The following SLC2A9 variants were observed in gnomAD, a reference collection of about 807,000 sequenced individuals.
SLC2A9 encodes solute carrier family 2, facilitated glucose transporter member 9.
A neutral mutation model predicts 50.6 loss-of-function variants in SLC2A9; 39 were observed. The observed-to-expected ratio is 0.77, with a 90% confidence interval of 0.60 to 1.01. The LOEUF (loss-of-function observed/expected upper bound fraction) is 1.01. Among genes scored for constraint, SLC2A9 ranks in the 50% least tolerant of loss-of-function variants. The pLI, the probability that SLC2A9 is intolerant of heterozygous loss-of-function variation, is 0.00. For missense variants in SLC2A9, 686 were observed against 677.6 expected (o/e 1.01, Z -0.14); for synonymous variants, 324 against 276.9 (o/e 1.17, Z -1.69).
intron 11 of SLC2A9, 48 bp downstream of exon 11, chr4:9,834,832 GC>G: frequency 6.2e-7 from 1 of 1,613,440 alleles, no homozygotes; most frequent in Non-Finnish European, 8.5e-7. Flanking sequence ...CTCAAGTGCT[GC>G]AGAATCAAAG....
intron 6 of SLC2A9, among the ~76,000 whole-genome samples, chr4:9,921,801 A>C (rs564063661): frequency 6.6e-6 from 1 of 152,348 alleles, no homozygotes; most frequent in South Asian, 2.1e-4. Context: ...CTGTTTCCTC[A>C]AAGTTCAAAA....
chr4:9,942,136 G>A, intron 5 of SLC2A9, 91 bp from the exon 6 acceptor site: 6 of 1,511,106 alleles, frequency 4.0e-6, no homozygotes, highest in Non-Finnish European at 4.6e-6. Flanking sequence ...CGACCCTGCA[G>A]AAGGTCTTCC....
intron 5 of SLC2A9, among the ~76,000 whole-genome samples, chr4:9,943,829 C>A (rs1269957374): frequency 1.3e-5 from 2 of 152,060 alleles, no homozygotes; most frequent in Admixed American, 6.5e-5. Context: ...GGGAACCAAC[C>A]CCATGAAGCT....
intron 7 of SLC2A9, among the ~76,000 whole-genome samples, chr4:9,910,615 G>C (rs1005023066): frequency 6.6e-6 from 1 of 152,116 alleles, no homozygotes; most frequent in African/African-American, 2.4e-5. Context: ...GATCCCCATG[G>C]CCTGACCAGC....
chr4:9,915,009 C>T (rs1268609289), intron 7 of SLC2A9, among the ~76,000 whole-genome samples: 1 of 152,218 alleles, frequency 6.6e-6, no homozygotes, highest in Non-Finnish European at 1.5e-5. Context: ...CTCACACTGA[C>T]CTAGCCATTA....
chr4:9,964,202 C>T (rs573148524), intron 5 of SLC2A9, among the ~76,000 whole-genome samples: 3 of 152,018 alleles, frequency 2.0e-5, no homozygotes, highest in African/African-American at 4.8e-5. Flanking sequence ...TTATACATGT[C>T]GTGTAGGTTT....
At chr4:9,995,865 T>C (rs1349031436) in intron 3 of SLC2A9, 1 of 152,212 alleles carries the variant, frequency 6.6e-6, no homozygotes, top group Admixed American at 6.5e-5. Context: ...AGACACATGA[T>C]TCAAGTTAAG....
rs553470626 is a variant in SLC2A9, at chr4:10,032,742, C to T, written c.-40-6736G>A. ...GTGTAGCTACTGTCATTACCCAGCC[C>T]GTGCAGCTCTCACACCCTGCTGGAC... On this transcript the variant is annotated intron_variant, in intron 1 of 12. Transcript: ENST00000309065. 1.7e-4 allele frequency among the ~76,000 whole-genome samples: 26 copies of T among 152,286 alleles called. 1 individual carries two copies. The South Asian group carries it at 2.3e-3, about 13-fold the overall frequency.
At chr4:9,907,527 C>G (rs868857000) in intron 8 of SLC2A9, among the ~76,000 whole-genome samples, 1 of 152,232 alleles carries the variant, frequency 6.6e-6, no homozygotes, top group African/African-American at 2.4e-5. Flanking sequence ...TACTGGTCAA[C>G]TGAATGTCCT....
At chr4:9,867,886 G>A (rs894320639) in intron 10 of SLC2A9, among the ~76,000 whole-genome samples, 2 of 152,210 alleles carry the variant, frequency 1.3e-5, no homozygotes, top group African/African-American at 2.4e-5. Flanking sequence ...TGAACTGGTG[G>A]GAGTGAATTC....
intron 5 of SLC2A9, among the ~76,000 whole-genome samples, chr4:9,966,785 T>C (rs1245400637): frequency 2.0e-5 from 3 of 152,086 alleles, no homozygotes; most frequent in African/African-American, 7.2e-5. Context: ...GCTTTAGTCT[T>C]TTTTCCTACC....
Position 10,012,749 on chromosome 4 carries a change from C to T in SLC2A9, c.249+6226G>A, listed in dbSNP as rs115810461. 5.0e-3 allele frequency among the ~76,000 whole-genome samples: 753 copies of T among 152,058 alleles called. 4 individuals are homozygous for T. The highest frequency in any genetic ancestry group is 0.017 in the African/African-American group (689 of 41,442). Reference sequence around the variant, plus strand: ...ACGCACAAAGGCTCTGAGGTTCCAGCGTGCGGTGTGTTTGAGGGGCAGCAA... The same window carrying T: ...ACGCACAAAGGCTCTGAGGTTCCAGTGTGCGGTGTGTTTGAGGGGCAGCAA... On this transcript the variant is annotated intron_variant, in intron 2 of 11. Coordinates refer to ENST00000264784, the MANE Select transcript of SLC2A9 (RefSeq NM_020041.3).
At chr4:9,774,526 T>A (rs1247959651) in intron 1 of SLC2A9, among the ~76,000 whole-genome samples, 1 of 152,192 alleles carries the variant, frequency 6.6e-6, no homozygotes, top group Non-Finnish European at 1.5e-5. Flanking sequence ...GGCTGTCCCT[T>A]GTTCTCATGC....
At chr4:9,891,997 G>T (rs1202993528) in intron 8 of SLC2A9, among the ~76,000 whole-genome samples, 1 of 152,212 alleles carries the variant, frequency 6.6e-6, no homozygotes, top group Non-Finnish European at 1.5e-5. Flanking sequence ...AAAGCCTCAG[G>T]GTTTCTCCAC....
At chr4:9,983,666 T>C (rs891426149) in intron 4 of SLC2A9, among the ~76,000 whole-genome samples, 2 of 152,130 alleles carry the variant, frequency 1.3e-5, no homozygotes, top group African/African-American at 2.4e-5. Context: ...AGAGCAGAAC[T>C]GCCCAGCCGA....
upstream of SLC2A9, among the ~76,000 whole-genome samples, chr4:10,022,520 A>G (rs1411526007): frequency 6.6e-6 from 1 of 152,238 alleles, no homozygotes; most frequent in East Asian, 1.9e-4. Context: ...TCACATGGCC[A>G]TGTTGCCTCA....
intron 1 of SLC2A9, among the ~76,000 whole-genome samples, chr4:10,020,459 C>T (rs569042110): frequency 8.5e-5 from 13 of 152,178 alleles, no homozygotes; most frequent in African/African-American, 2.6e-4. Context: ...TGATCACATG[C>T]GGGGGCAAGA....
intron 5 of SLC2A9, among the ~76,000 whole-genome samples, chr4:9,942,514 G>A (rs745426717): frequency 9.2e-5 from 14 of 152,240 alleles, no homozygotes; most frequent in Non-Finnish European, 1.6e-4. Flanking sequence ...TGTCTTCTCA[G>A]TGAGGACACA....
chr4:9,792,434 T>C (rs112927932), intron 3 of SLC2A9, among the ~76,000 whole-genome samples: 261 of 152,106 alleles, frequency 1.7e-3, no homozygotes, highest in African/African-American at 6.0e-3. Flanking sequence ...GGGATTCTTC[T>C]GCCTCAGCCC....
Sources: allele counts gnomAD v4.1 joint callset (sites outside exome capture counted in the v4.1 genomes callset), GRCh38; gene constraint gnomAD v4.1.1; transcripts MANE v1.5; gene names NCBI Gene and HGNC (gene_info 2026-07-23, HGNC 2026-07-21).